TWSG1: variants seen among roughly 807,000 people sequenced by gnomAD.
TWSG1 encodes the protein twisted gastrulation BMP signaling modulator 1.
Under a neutral mutation model 23.0 loss-of-function variants are expected in TWSG1, and 15 were observed. That is an observed-to-expected ratio of 0.65 (90% CI 0.44 to 1.00). TWSG1 has a LOEUF of 1.00. Among genes scored for constraint, TWSG1 ranks in the 50% least tolerant of loss-of-function variants. TWSG1 has a pLI of 0.00. For synonymous variants in TWSG1, 86 were observed against 92.8 expected, an observed-to-expected ratio of 0.93 and a Z score of 0.42; for missense variants, 242 against 278.7, an observed-to-expected ratio of 0.87 and a Z score of 0.94.
chr18:9,369,333 A>G (rs938383947), intron 3 of TWSG1, among the ~76,000 whole-genome samples: 1 of 151,964 alleles, frequency 6.6e-6, no homozygotes, highest in Non-Finnish European at 1.5e-5. Context: ...CAATGGCACG[A>G]TCTTGGCTCA....
At chr18:9,382,128 A>G (rs1219203999) in intron 3 of TWSG1, among the ~76,000 whole-genome samples, 1 of 150,348 alleles carries the variant, frequency 6.7e-6, no homozygotes, top group East Asian at 1.9e-4. Context: ...CATGAACCAT[A>G]CATCTCAGCT....
chr18:9,382,771 C>A (rs2040663654), intron 3 of TWSG1, among the ~76,000 whole-genome samples: 1 of 146,586 alleles, frequency 6.8e-6, no homozygotes, highest in Non-Finnish European at 1.5e-5. Flanking sequence ...CATGTGACCG[C>A]ACTCCAGCCT....
chr18:9,356,689 A>G (rs887936399), intron 2 of TWSG1, among the ~76,000 whole-genome samples: 1 of 152,184 alleles, frequency 6.6e-6, no homozygotes, highest in Non-Finnish European at 1.5e-5. Flanking sequence ...GAATGCTCCA[A>G]AATCGGAAAC....
chr18:9,360,418 A>T (rs964082254), intron 3 of TWSG1, among the ~76,000 whole-genome samples: 1 of 152,068 alleles, frequency 6.6e-6, no homozygotes, highest in Non-Finnish European at 1.5e-5. Context: ...ATTCTCCAAG[A>T]TGTGTTAAGT....
intron 3 of TWSG1, among the ~76,000 whole-genome samples, chr18:9,380,733 A>G (rs1215582105): frequency 2.6e-5 from 4 of 152,190 alleles, no homozygotes; most frequent in Non-Finnish European, 4.4e-5. Context: ...GCTGAACTAC[A>G]CTTGGCTTTA....
intron 3 of TWSG1, among the ~76,000 whole-genome samples, chr18:9,362,716 T>G (rs2040558037): frequency 6.6e-6 from 1 of 152,172 alleles, no homozygotes; most frequent in Non-Finnish European, 1.5e-5. Context: ...AGGAAGAGAG[T>G]TCTGCATTTT....
intron 3 of TWSG1, among the ~76,000 whole-genome samples, chr18:9,380,243 A>G (rs2040650164): frequency 6.6e-6 from 1 of 152,174 alleles, no homozygotes; most frequent in Admixed American, 6.5e-5. Flanking sequence ...ACAAACCTAA[A>G]GAGTGTGAGA....
chr18:9,374,452 G>C (rs2040619641), intron 3 of TWSG1, among the ~76,000 whole-genome samples: 1 of 152,126 alleles, frequency 6.6e-6, no homozygotes. Context: ...ATTCCTTGAA[G>C]GACACAATCT....
intron 2 of TWSG1, among the ~76,000 whole-genome samples, chr18:9,348,618 G>A (rs966673579): frequency 1.3e-5 from 2 of 152,162 alleles, no homozygotes; most frequent in African/African-American, 2.4e-5. Context: ...CATGTTCTGC[G>A]AAGTACAGGG....
chr18:9,390,684 G>T (rs1243898826), intron 3 of TWSG1, among the ~76,000 whole-genome samples: 1 of 152,136 alleles, frequency 6.6e-6, no homozygotes, highest in Admixed American at 6.5e-5. Context: ...TACATGTCAT[G>T]CTATTTGATA....
chr18:9,378,070 A>C (rs796117660), intron 3 of TWSG1, among the ~76,000 whole-genome samples: 6 of 152,384 alleles, frequency 3.9e-5, no homozygotes, highest in African/African-American at 1.4e-4. Flanking sequence ...TGATAAGCCG[A>C]ATTTCATTAA....
At chr18:9,344,300 T>C (rs76883050) in intron 2 of TWSG1, among the ~76,000 whole-genome samples, 5,151 of 152,288 alleles carry the variant, frequency 0.034, 305 homozygotes, top group African/African-American at 0.12. Flanking sequence ...GAGGAACTGC[T>C]GAAGTGTTTA....
At chr18:9,370,996 C>T (rs1044654147) in intron 3 of TWSG1, among the ~76,000 whole-genome samples, 1 of 151,624 alleles carries the variant, frequency 6.6e-6, no homozygotes, top group Non-Finnish European at 1.5e-5. Flanking sequence ...AGGTGTTTCT[C>T]TGAGAAACTG....
chr18:9,360,820 GC>G (rs1428258423), intron 3 of TWSG1, among the ~76,000 whole-genome samples: 1 of 152,078 alleles, frequency 6.6e-6, no homozygotes, highest in Admixed American at 6.6e-5. Flanking sequence ...TTCTTTCCAA[GC>G]CTTTGATCCT....
chr18:9,345,956 T>C (rs962723400), intron 2 of TWSG1, among the ~76,000 whole-genome samples: 2 of 152,238 alleles, frequency 1.3e-5, no homozygotes, highest in Non-Finnish European at 2.9e-5. Context: ...GGTATACTTG[T>C]TACTATTGAT....
Position 9,392,709 on chromosome 18 carries a change from C to A in TWSG1, c.224-3571C>A, listed in dbSNP as rs142933012. On this transcript the variant is annotated intron_variant, in intron 3 of 4. Coordinates refer to ENST00000262120, the MANE Select transcript of TWSG1 (RefSeq NM_020648.6). Reference sequence around the variant, plus strand: ...TTCACTAAGCTTTCTTCTTCTTTTTCTTTTTTTTGGCTTAAAAAATACTGG... The same window carrying A: ...TTCACTAAGCTTTCTTCTTCTTTTTATTTTTTTTGGCTTAAAAAATACTGG... Among the ~76,000 whole-genome samples, 7 of 152,020 alleles carry A rather than the reference C, an allele frequency of 4.6e-5. No individual in the cohort carries two copies. In the East Asian group the frequency reaches 1.3e-3, roughly 29 times the overall value.
chr18:9,360,383 A>C (rs561840951), intron 3 of TWSG1, among the ~76,000 whole-genome samples: 1 of 152,220 alleles, frequency 6.6e-6, no homozygotes, highest in African/African-American at 2.4e-5. Flanking sequence ...GTTTTTAATA[A>C]GAAGTAGGTT....
chr18:9,374,771 CA>C (rs900965353), intron 3 of TWSG1, among the ~76,000 whole-genome samples: 1 of 152,136 alleles, frequency 6.6e-6, no homozygotes, highest in African/African-American at 2.4e-5. Flanking sequence ...AAATTATCAA[CA>C]AAATATTAAC....
chr18:9,356,971 T>TA (rs34315660), intron 2 of TWSG1, among the ~76,000 whole-genome samples: 66,986 of 122,204 alleles, frequency 0.55, 17,825 homozygotes, highest in South Asian at 0.62. Context: ...TTTATAAATC[T>TA]AAAAAAAAAA....
Sources: allele counts gnomAD v4.1 joint callset (sites outside exome capture counted in the v4.1 genomes callset), GRCh38; gene constraint gnomAD v4.1.1; transcripts MANE v1.5; gene names NCBI Gene and HGNC (gene_info 2026-07-23, HGNC 2026-07-21).